NAV3: variants seen among roughly 807,000 people sequenced by gnomAD.
NAV3 encodes pore membrane and/or filament interacting like protein 1.
NAV3 carries 87 observed loss-of-function variants against 244.7 expected under a neutral mutation model. That is an observed-to-expected ratio of 0.36 (90% CI 0.30 to 0.42). The LOEUF (loss-of-function observed/expected upper bound fraction) is 0.42. Ranked by LOEUF, NAV3 falls within the 20% of genes least tolerant of loss-of-function variation. The pLI, the probability that NAV3 is intolerant of heterozygous loss-of-function variation, is 1.00. For synonymous variants in NAV3, 1,126 were observed against 1,042.2 expected (o/e 1.08, Z -1.55); for missense variants, 2,663 against 2,893.3 (o/e 0.92, Z 1.83).
chr12:78,183,398 A>G (rs1201746587), intron 30 of NAV3, among the ~76,000 whole-genome samples: 1 of 151,940 alleles, frequency 6.6e-6, no homozygotes, highest in Non-Finnish European at 1.5e-5. Context: ...TAAAAGTATT[A>G]TCTTTTATGT....
chr12:78,205,516 T>C (rs1960206280), intron 39 of NAV3, among the ~76,000 whole-genome samples: 1 of 152,064 alleles, frequency 6.6e-6, no homozygotes, highest in Non-Finnish European at 1.5e-5. Context: ...AATGTACTCA[T>C]GGAGAACTAA....
intron 2 of NAV3, among the ~76,000 whole-genome samples, chr12:77,814,755 T>C (rs1376348946): frequency 2.0e-5 from 3 of 152,172 alleles, no homozygotes; most frequent in Non-Finnish European, 4.4e-5. Flanking sequence ...GTGCCAACTT[T>C]AAACCAAGTT....
chr12:78,128,777 G>T lies in NAV3; in HGVS notation c.4352G>T (p.Gly1451Val). Residue 1451 changes from glycine to valine, a missense_variant, in exon 18 of 40, where the codon GGG (glycine) becomes GTG (valine). Around this residue, in one of 6 missense-constraint regions of NAV3, gnomAD observed 354 missense variants for 413.0 expected, o/e 0.86. Transcript: ENST00000397909. ...KEWLRSHSTG[G>V]LQDTGNQSPL... is the part of the protein sequence containing the mutation. ...TGGTTGCGTTCTCATTCTACTGGAGGGCTTCAGGACACTGGCAACCAGTCA... is the reference window on the plus strand; with the variant it reads ...TGGTTGCGTTCTCATTCTACTGGAGTGCTTCAGGACACTGGCAACCAGTCA... The T allele has an allele frequency of 6.2e-7, 1 of 1,613,890 alleles. No homozygotes were observed. The highest frequency in any genetic ancestry group is 8.5e-7 in the Non-Finnish European group (1 of 1,179,932).
chr12:77,844,769 T>G (rs78091254), intron 1 of NAV3, among the ~76,000 whole-genome samples: 3,634 of 152,270 alleles, frequency 0.024, 136 homozygotes, highest in African/African-American at 0.082. Context: ...AGTCTAAATA[T>G]GTAGAGTATA....
chr12:78,093,904 A>G (rs1452461270), intron 12 of NAV3, among the ~76,000 whole-genome samples: 1 of 152,162 alleles, frequency 6.6e-6, no homozygotes, highest in African/African-American at 2.4e-5. Context: ...CAGTGGTACA[A>G]TCATAGTTCA....
intron 1 of NAV3, among the ~76,000 whole-genome samples, chr12:77,846,248 G>A (rs928839567): frequency 6.6e-6 from 1 of 152,124 alleles, no homozygotes; most frequent in African/African-American, 2.4e-5. Flanking sequence ...TATTGCTTTA[G>A]GTATGAACTA....
At chr12:77,810,598 C>T (rs868525601) in intron 2 of NAV3, among the ~76,000 whole-genome samples, 4 of 152,274 alleles carry the variant, frequency 2.6e-5, no homozygotes, top group African/African-American at 9.6e-5. Context: ...TTTTAAAACT[C>T]AGTGACTTTG....
chr12:77,892,629 A>G (rs1372233831), intron 1 of NAV3, among the ~76,000 whole-genome samples: 1 of 151,974 alleles, frequency 6.6e-6, no homozygotes, highest in Non-Finnish European at 1.5e-5. Context: ...GTTAGCCGGG[A>G]TGGTCTCAAT....
At chr12:77,916,033 G>C (rs191035363) in intron 1 of NAV3, among the ~76,000 whole-genome samples, 361 of 152,126 alleles carry the variant, frequency 2.4e-3, no homozygotes, top group South Asian at 5.8e-3. Context: ...AATTGCAATG[G>C]GAAGAGGCTG....
chr12:78,073,889 T>C (rs1039842443), intron 12 of NAV3, among the ~76,000 whole-genome samples: 1 of 152,186 alleles, frequency 6.6e-6, no homozygotes, highest in Non-Finnish European at 1.5e-5. Flanking sequence ...TAAATTTCAA[T>C]TTAATACTAA....
At chr12:77,803,444 A>C (rs797011360) in intron 2 of NAV3, among the ~76,000 whole-genome samples, 13 of 152,274 alleles carry the variant, frequency 8.5e-5, no homozygotes, top group African/African-American at 3.1e-4. Context: ...ATGTCCCTGC[A>C]TGGGACATGA....
intron 30 of NAV3, among the ~76,000 whole-genome samples, chr12:78,182,295 C>A (rs554551294): frequency 3.3e-5 from 5 of 152,098 alleles, no homozygotes; most frequent in Admixed American, 3.3e-4. Flanking sequence ...TCTGGCAGTT[C>A]TGAACAACAT....
chr12:78,106,428 A>G (rs1954805192), intron 12 of NAV3, among the ~76,000 whole-genome samples: 1 of 152,230 alleles, frequency 6.6e-6, no homozygotes, highest in Admixed American at 6.5e-5. Context: ...AGACCAATAT[A>G]TGTGAAGAGA....
At chr12:77,589,268 C>G (rs991679986) in intron 2 of NAV3, among the ~76,000 whole-genome samples, 1 of 152,128 alleles carries the variant, frequency 6.6e-6, no homozygotes, top group Non-Finnish European at 1.5e-5. Context: ...CAACTTCAGA[C>G]CTCCTGTCTT....
At chr12:77,852,633 C>A (rs1440491966) in intron 1 of NAV3, among the ~76,000 whole-genome samples, 3 of 151,896 alleles carry the variant, frequency 2.0e-5, no homozygotes, top group Non-Finnish European at 4.4e-5. Flanking sequence ...GTGAAAACGG[C>A]CTAGTAAAAT....
intron 3 of NAV3, among the ~76,000 whole-genome samples, chr12:77,955,359 TA>T (rs1209010722): frequency 6.6e-6 from 1 of 152,142 alleles, no homozygotes; most frequent in Middle Eastern, 3.2e-3. Context: ...TCTCAGGGAC[TA>T]ACTCAGGCTT....
At chr12:78,130,788 C>G (rs1340947965) in intron 18 of NAV3, 1 of 157,066 alleles carries the variant, frequency 6.4e-6, no homozygotes, top group Non-Finnish European at 1.4e-5. Context: ...AATCACAACT[C>G]CATTCTTCTC....
intron 2 of NAV3, among the ~76,000 whole-genome samples, chr12:77,613,721 C>A (rs1871025731): frequency 1.3e-5 from 2 of 152,094 alleles, no homozygotes; most frequent in South Asian, 2.1e-4. Flanking sequence ...ATAGTATAAA[C>A]CCCCACACAC....
intron 1 of NAV3, among the ~76,000 whole-genome samples, chr12:77,879,685 C>CAAAAAAAAAAAAAAAAAAAAAAA (rs72076222): frequency 1.2e-5 from 1 of 85,094 alleles, no homozygotes; most frequent in Non-Finnish European, 2.2e-5. Flanking sequence ...AACTCCATCT[C>CAAAAAAAAAAAAAAAAAAAAAAA]AAAAAAAAAA....
Sources: allele counts gnomAD v4.1 joint callset (sites outside exome capture counted in the v4.1 genomes callset), GRCh38; gene constraint gnomAD v4.1.1; regional missense constraint gnomAD v4.1.1; transcripts MANE v1.5; gene names NCBI Gene and HGNC (gene_info 2026-07-23, HGNC 2026-07-21).